The following AKAP12 variants were observed in gnomAD, a reference collection of about 807,000 sequenced individuals.
The protein encoded by AKAP12 is A-kinase anchor protein 12.
A neutral mutation model predicts 79.9 loss-of-function variants in AKAP12; 32 were observed. The observed-to-expected ratio is 0.40, with a 90% CI of 0.30 to 0.54. The LOEUF is 0.54. AKAP12 is among the 20% of genes least tolerant of loss of function. The pLI is 0.48. For missense variants in AKAP12, 2,074 were observed against 2,177.0 expected (o/e 0.95, Z 0.94); for synonymous variants, 808 against 857.0 (o/e 0.94, Z 1.00).
intron 2 of AKAP12, among the ~76,000 whole-genome samples, chr6:151,264,049 C>A (rs1018070843): frequency 6.6e-6 from 1 of 152,138 alleles, no homozygotes; most frequent in Non-Finnish European, 1.5e-5. Flanking sequence ...TCAATGCACT[C>A]TCCAGCTTGG....
chr6:151,264,339 A>G (rs17080988), intron 2 of AKAP12, among the ~76,000 whole-genome samples: 34,995 of 149,278 alleles, frequency 0.23, 4,571 homozygotes, highest in East Asian at 0.42. Flanking sequence ...ATAAAAGAAT[A>G]AGATATACCT....
chr6:151,268,952 T>G (rs77921245), intron 2 of AKAP12, among the ~76,000 whole-genome samples: 2 of 77,648 alleles, frequency 2.6e-5, no homozygotes, highest in African/African-American at 5.6e-5. Context: ...CCTGTTTTTT[T>G]TTTTTTTTTT....
chr6:151,321,292 A>G (rs1160177870), intron 3 of AKAP12, among the ~76,000 whole-genome samples: 1 of 151,904 alleles, frequency 6.6e-6, no homozygotes, highest in Non-Finnish European at 1.5e-5. Flanking sequence ...TGGCCAGGAC[A>G]TTTTCATTAC....
intron 3 of AKAP12, among the ~76,000 whole-genome samples, chr6:151,308,493 G>C (rs148507438): frequency 6.6e-6 from 1 of 151,902 alleles, no homozygotes; most frequent in Non-Finnish European, 1.5e-5. Flanking sequence ...AATTACAGAC[G>C]TGAGCCACCG....
intron 3 of AKAP12, among the ~76,000 whole-genome samples, chr6:151,331,034 G>A (rs1247756060): frequency 2.6e-5 from 4 of 152,256 alleles, no homozygotes; most frequent in Non-Finnish European, 2.9e-5. Context: ...TTTATAAATC[G>A]GGATTCACAG....
rs140637811 is a variant in AKAP12 at position 151,270,560 on chromosome 6, A to G, written c.162+29836A>G. 2.5e-3 allele frequency among the ~76,000 whole-genome samples: 376 copies of G among 152,318 alleles called. 1 individual carries two copies. The highest frequency in any genetic ancestry group is 8.5e-3 in the African/African-American group (354 of 41,578). On this transcript the variant is annotated intron_variant, in intron 2 of 4. Coordinates refer to ENST00000402676, the MANE Select transcript of AKAP12 (RefSeq NM_005100.4). ...CTCTTGGGTATTTATCTAGAAATGA[A>G]ATTGCTGTATGTTAACCCTTTGTTT...
chr6:151,334,797 A>ATT (rs199564300), intron 3 of AKAP12, among the ~76,000 whole-genome samples: 3 of 150,922 alleles, frequency 2.0e-5, no homozygotes, highest in African/African-American at 4.9e-5. Context: ...GATTTTTTGT[A>ATT]TTTTTTTAGT....
intron 4 of AKAP12, among the ~76,000 whole-genome samples, chr6:151,354,984 C>T (rs1056381802): frequency 6.6e-6 from 1 of 151,968 alleles, no homozygotes; most frequent in African/African-American, 2.4e-5. Context: ...CTCAACCCAT[C>T]TTCGTTTTCT....
chr6:151,355,611 T>G (rs1379288168), intron 4 of AKAP12, 116 bp from the exon 5 acceptor site: 1 of 152,470 alleles, frequency 6.6e-6, no homozygotes, highest in East Asian at 1.9e-4. Flanking sequence ...CCATCTTTGT[T>G]TTTTTAATGG....
chr6:151,312,493 A>C (rs1025249026), intron 3 of AKAP12, among the ~76,000 whole-genome samples: 1 of 150,254 alleles, frequency 6.7e-6, no homozygotes, highest in African/African-American at 2.5e-5. Flanking sequence ...AAAATAAAAT[A>C]TAAGAATCAT....
intron 3 of AKAP12, among the ~76,000 whole-genome samples, chr6:151,308,215 GTTGT>G (rs755632905): frequency 1.5e-4 from 22 of 151,268 alleles, no homozygotes; most frequent in Admixed American, 1.3e-4. Context: ...TGTTATTGTT[GTTGT>G]TTGTTTATTT....
intron 2 of AKAP12, among the ~76,000 whole-genome samples, chr6:151,278,911 C>A (rs1776343801): frequency 6.6e-6 from 1 of 152,164 alleles, no homozygotes; most frequent in African/African-American, 2.4e-5. Flanking sequence ...TTGTGATCCG[C>A]CTGCCCCGGC....
chr6:151,240,789 G>A (rs1562702178), intron 2 of AKAP12, 65 bp downstream of exon 2: 5 of 945,112 alleles, frequency 5.3e-6, no homozygotes, highest in Non-Finnish European at 4.0e-6. Flanking sequence ...GTGGGGGTGG[G>A]GGGGTCCCTC....
At chr6:151,301,503 G>A (rs1776862083) in intron 2 of AKAP12, among the ~76,000 whole-genome samples, 1 of 152,104 alleles carries the variant, frequency 6.6e-6, no homozygotes, top group Non-Finnish European at 1.5e-5. Context: ...TTTAACAACG[G>A]TATGACTTAT....
intron 2 of AKAP12, among the ~76,000 whole-genome samples, chr6:151,266,800 G>A (rs1357923725): frequency 6.6e-6 from 1 of 152,080 alleles, no homozygotes; most frequent in Non-Finnish European, 1.5e-5. Context: ...TTAGCTACTA[G>A]GAGAAATGTT....
At chr6:151,304,506 A>G (rs1319029425) in intron 2 of AKAP12, among the ~76,000 whole-genome samples, 4 of 132,062 alleles carry the variant, frequency 3.0e-5, no homozygotes, top group South Asian at 2.1e-4. Context: ...AAAAAAAAAA[A>G]AAAAAAAAAA....
chr6:151,247,026 G>A (rs930946499), intron 2 of AKAP12, among the ~76,000 whole-genome samples: 1 of 152,086 alleles, frequency 6.6e-6, no homozygotes, highest in Admixed American at 6.5e-5. Flanking sequence ...CTCCTGGACT[G>A]AAGTGATCCT....
chr6:151,338,946 C>G (rs1777881532), intron 3 of AKAP12, among the ~76,000 whole-genome samples: 1 of 152,200 alleles, frequency 6.6e-6, no homozygotes, highest in African/African-American at 2.4e-5. Context: ...CCATTTAGCA[C>G]TTTAGCACCC....
At chr6:151,250,680 AC>A (rs1269471690) in intron 2 of AKAP12, among the ~76,000 whole-genome samples, 4 of 148,808 alleles carry the variant, frequency 2.7e-5, no homozygotes, top group African/African-American at 9.9e-5. Flanking sequence ...ATCTCGGCTC[AC>A]TGCAAACTCC....
Sources: gnomAD v4.1 joint callset for allele counts (sites outside exome capture counted in the v4.1 genomes callset) on GRCh38, gnomAD v4.1.1 for gene constraint, MANE v1.5 for transcripts, NCBI Gene and HGNC (gene_info 2026-07-23, HGNC 2026-07-21) for gene names.